PTPRD: variants seen among roughly 807,000 people sequenced by gnomAD.
PTPRD encodes receptor-type tyrosine-protein phosphatase delta.
A neutral mutation model predicts 214.5 loss-of-function variants in PTPRD; 34 were observed. The ratio of observed to expected loss-of-function variants is 0.16; its 90% CI spans 0.12 to 0.21. The LOEUF (loss-of-function observed/expected upper bound fraction) is 0.21, where lower values mean the gene tolerates loss of function less well. Ranked by LOEUF, PTPRD falls within the 10% of genes least tolerant of loss-of-function variation. The pLI is 1.00. For synonymous variants in PTPRD, 1,128 were observed against 845.7 expected, an observed-to-expected ratio of 1.33 and a Z score of -5.79; for missense variants, 2,545 against 2,398.7, an observed-to-expected ratio of 1.06 and a Z score of -1.27.
chr9:10,259,679 T>G (rs1366884099), intron 3 of PTPRD, among the ~76,000 whole-genome samples: 1 of 152,178 alleles, frequency 6.6e-6, no homozygotes, highest in Non-Finnish European at 1.5e-5. Flanking sequence ...TAATAAAAAG[T>G]GGGTATCAAC....
chr9:8,908,645 A>G (rs1200383041), intron 11 of PTPRD, among the ~76,000 whole-genome samples: 1 of 152,004 alleles, frequency 6.6e-6, no homozygotes, highest in Non-Finnish European at 1.5e-5. Context: ...AAAAGGAGAA[A>G]AGTCTCAAAT....
At chr9:10,530,937 G>T (rs1166969303) in intron 2 of PTPRD, among the ~76,000 whole-genome samples, 1 of 151,936 alleles carries the variant, frequency 6.6e-6, no homozygotes, top group African/African-American at 2.4e-5. Context: ...GACAATGGAT[G>T]CTAAAATCAG....
At chr9:9,307,523 A>G (rs960699056) in intron 9 of PTPRD, among the ~76,000 whole-genome samples, 3 of 152,070 alleles carry the variant, frequency 2.0e-5, no homozygotes, top group Admixed American at 2.0e-4. Context: ...CTAACATCCA[A>G]TCAGTGGCTG....
intron 2 of PTPRD, among the ~76,000 whole-genome samples, chr9:10,431,132 A>G (rs2098673654): frequency 6.6e-6 from 1 of 151,990 alleles, no homozygotes; most frequent in African/African-American, 2.4e-5. Flanking sequence ...AGAGAGCTCT[A>G]AAAGTCTCCT....
At chr9:8,724,263 T>G (rs974643856) in intron 12 of PTPRD, among the ~76,000 whole-genome samples, 1 of 152,198 alleles carries the variant, frequency 6.6e-6, no homozygotes, top group African/African-American at 2.4e-5. Flanking sequence ...TTAGGTCCCT[T>G]CTTAACATGG....
At chr9:10,217,227 G>C (rs2099545713) in intron 3 of PTPRD, among the ~76,000 whole-genome samples, 1 of 151,482 alleles carries the variant, frequency 6.6e-6, no homozygotes, top group Non-Finnish European at 1.5e-5. Context: ...GTTATACTTT[G>C]TTATTGGCAC....
In PTPRD at chr9:8,803,562, G is replaced by A. The variant is rs374530657; in HGVS notation, c.-103-69616C>T. 4.6e-5 allele frequency among the ~76,000 whole-genome samples: 7 copies of A among 151,814 alleles called. No homozygotes were observed. The South Asian group carries it at 1.0e-3, about 23-fold the overall frequency. On this transcript the variant is annotated intron_variant, in intron 11 of 45. Coordinates refer to ENST00000381196, the MANE Select transcript of PTPRD (RefSeq NM_002839.4). ...CGCCTGAGCAACATAGTGAAACCCC[G>A]GTTCTACAAAAAATTAAAAAATTAG...
intron 7 of PTPRD, among the ~76,000 whole-genome samples, chr9:9,648,286 C>A (rs1443874954): frequency 1.3e-5 from 2 of 151,958 alleles, no homozygotes; most frequent in South Asian, 2.1e-4. Context: ...CTAGACCTAA[C>A]CTTTGGAAGG....
At chr9:10,526,753 C>G (rs994814433) in intron 2 of PTPRD, among the ~76,000 whole-genome samples, 6 of 152,048 alleles carry the variant, frequency 3.9e-5, no homozygotes, top group Non-Finnish European at 8.8e-5. Flanking sequence ...TATTGAGGTT[C>G]CTTAAAGTTA....
At chr9:8,684,698 A>G (rs1456300606) in intron 12 of PTPRD, among the ~76,000 whole-genome samples, 1 of 152,216 alleles carries the variant, frequency 6.6e-6, no homozygotes, top group Non-Finnish European at 1.5e-5. Context: ...GATTAACAGG[A>G]AACTATTTAC....
At chr9:8,741,397 A>G (rs1017407067) in intron 11 of PTPRD, among the ~76,000 whole-genome samples, 2 of 152,128 alleles carry the variant, frequency 1.3e-5, no homozygotes, top group Admixed American at 6.5e-5. Flanking sequence ...CGGTTAAAAT[A>G]CAAGTCTATT....
chr9:10,607,954 G>A (rs527827309), intron 2 of PTPRD, among the ~76,000 whole-genome samples: 1 of 151,850 alleles, frequency 6.6e-6, no homozygotes, highest in Admixed American at 6.6e-5. Flanking sequence ...TGGCAATATA[G>A]CATGTGAGAT....
chr9:9,790,060 T>C (rs1161882315), intron 5 of PTPRD, among the ~76,000 whole-genome samples: 1 of 152,160 alleles, frequency 6.6e-6, no homozygotes, highest in Admixed American at 6.5e-5. Context: ...CCAGAACCTC[T>C]TTCTAATCTG....
intron 7 of PTPRD, among the ~76,000 whole-genome samples, chr9:9,665,633 A>C (rs953321040): frequency 6.6e-6 from 1 of 151,778 alleles, no homozygotes; most frequent in African/African-American, 2.4e-5. Flanking sequence ...TTCGAGGTTC[A>C]TTCTCTCTCA....
chr9:9,484,258 T>C (rs943688959), intron 8 of PTPRD, among the ~76,000 whole-genome samples: 28 of 152,016 alleles, frequency 1.8e-4, no homozygotes, highest in African/African-American at 6.3e-4. Flanking sequence ...GTCAGTCTGA[T>C]GAATTCAAAA....
At chr9:8,528,309 G>T in intron 15 of PTPRD, 2 of 470,294 alleles carry the variant, frequency 4.3e-6, no homozygotes, top group Middle Eastern at 5.8e-4. Flanking sequence ...CAAATACTGC[G>T]AAAAAGCAGT....
intron 11 of PTPRD, among the ~76,000 whole-genome samples, chr9:8,748,119 A>G (rs1446139225): frequency 6.6e-6 from 1 of 152,132 alleles, no homozygotes; most frequent in Non-Finnish European, 1.5e-5. Context: ...CTATGCCCCA[A>G]TTCAGCAGGA....
intron 2 of PTPRD, among the ~76,000 whole-genome samples, chr9:10,452,206 T>C (rs907494582): frequency 6.6e-6 from 1 of 151,914 alleles, no homozygotes; most frequent in African/African-American, 2.4e-5. Context: ...TGGCACATTT[T>C]CTTCCTTCAT....
chr9:10,568,358 G>T (rs954003956), intron 2 of PTPRD, among the ~76,000 whole-genome samples: 81 of 152,058 alleles, frequency 5.3e-4, no homozygotes, highest in Non-Finnish European at 8.5e-4. Context: ...TCTTAATCCA[G>T]TCTATCATTG....
Sources: gnomAD v4.1 joint callset for allele counts (sites outside exome capture counted in the v4.1 genomes callset) on GRCh38, gnomAD v4.1.1 for gene constraint, MANE v1.5 for transcripts, NCBI Gene and HGNC (gene_info 2026-07-23, HGNC 2026-07-21) for gene names.